Variants in COLEC10 observed in about 807,000 individuals in gnomAD.
The protein encoded by COLEC10 is collectin-10.
COLEC10 carries 22 observed loss-of-function variants against 28.4 expected under a neutral mutation model. The observed-to-expected ratio is 0.78, with a 90% CI of 0.55 to 1.11. The LOEUF (loss-of-function observed/expected upper bound fraction) is 1.11. COLEC10 is among the 50% of genes least tolerant of loss of function. The pLI is 0.00. For synonymous variants in COLEC10, 125 were observed against 116.1 expected, an observed-to-expected ratio of 1.08 and a Z score of -0.49; for missense variants, 361 against 344.1, an observed-to-expected ratio of 1.05 and a Z score of -0.39.
At position 119,107,593 on chromosome 8, in the gene COLEC10, A is replaced by G. The variant is rs1208646585; in HGVS notation, c.*1402A>G. Among the ~76,000 whole-genome samples the G allele has an allele frequency of 6.6e-6, 1 of 152,282 alleles. No homozygotes were observed. The highest frequency in any genetic ancestry group is 2.1e-4 in the South Asian group (1 of 4,828). ...TGATTTCACCCGTGACTAACTGGTT[A>G]TGAGATAGGACTTAATTAGGTTATT... On this transcript the variant is annotated 3_prime_UTR_variant, in exon 6 of 6. Coordinates refer to ENST00000332843, the MANE Select transcript of COLEC10 (RefSeq NM_006438.5).
the COLEC10 span, among the ~76,000 whole-genome samples, chr8:118,990,187 T>G: frequency 1.3e-5 from 2 of 152,060 alleles, no homozygotes; most frequent in Non-Finnish European, 2.9e-5. Flanking sequence ...ACAAGATAGA[T>G]TGTATGGTCA....
chr8:118,965,291 C>T, the COLEC10 span, among the ~76,000 whole-genome samples: 1 of 152,022 alleles, frequency 6.6e-6, no homozygotes, highest in African/African-American at 2.4e-5. Flanking sequence ...GCTCTTTCTA[C>T]CTTTCTTTTG....
chr8:118,961,503 C>T, the COLEC10 span, among the ~76,000 whole-genome samples: 2 of 152,288 alleles, frequency 1.3e-5, no homozygotes, highest in Admixed American at 1.3e-4. Context: ...GCCTTCTCTG[C>T]ATGGTGCAGA....
the COLEC10 span, among the ~76,000 whole-genome samples, chr8:118,980,380 A>G: frequency 6.6e-6 from 1 of 151,866 alleles, no homozygotes; most frequent in Non-Finnish European, 1.5e-5. Flanking sequence ...TTTAGTAGAG[A>G]TGAGGTTTCA....
At chr8:119,100,318 G>A (rs1376131990) in intron 3 of COLEC10, among the ~76,000 whole-genome samples, 1 of 152,114 alleles carries the variant, frequency 6.6e-6, no homozygotes, top group African/African-American at 2.4e-5. Context: ...GTAGGATAAA[G>A]ATAATTATAA....
At chr8:119,005,736 G>C (rs894093391) in intron 1 of COLEC10, among the ~76,000 whole-genome samples, 16 of 152,090 alleles carry the variant, frequency 1.1e-4, no homozygotes, top group Non-Finnish European at 1.9e-4. Flanking sequence ...AGATCAGAAA[G>C]GGCTAAAATT....
At chr8:119,087,281 T>C (rs1244289344) in intron 1 of COLEC10, among the ~76,000 whole-genome samples, 1 of 151,992 alleles carries the variant, frequency 6.6e-6, no homozygotes, top group African/African-American at 2.4e-5. Context: ...CACAGGGAAA[T>C]GTAAGAGATA....
intron 2 of COLEC10, among the ~76,000 whole-genome samples, chr8:119,056,658 C>A (rs1319397594): frequency 6.6e-6 from 1 of 152,034 alleles, no homozygotes; most frequent in Non-Finnish European, 1.5e-5. Flanking sequence ...CACCTCATTT[C>A]ATAAAGTCAG....
At chr8:119,078,229 A>G (rs573093033) in intron 1 of COLEC10, among the ~76,000 whole-genome samples, 93 of 152,334 alleles carry the variant, frequency 6.1e-4, no homozygotes, top group African/African-American at 2.1e-3. Flanking sequence ...TTTTAATTGA[A>G]CAGTGGGTTT....
intron 1 of COLEC10, among the ~76,000 whole-genome samples, chr8:119,087,627 C>A (rs1328759312): frequency 6.6e-6 from 1 of 152,066 alleles, no homozygotes; most frequent in African/African-American, 2.4e-5. Flanking sequence ...TTTTCTCCCA[C>A]TATCTTTCTT....
At chr8:119,105,333 G>A (rs950673354) in intron 5 of COLEC10, among the ~76,000 whole-genome samples, 1 of 152,116 alleles carries the variant, frequency 6.6e-6, no homozygotes, top group Non-Finnish European at 1.5e-5. Flanking sequence ...CTATCCAAGG[G>A]CATTGGAAAG....
At chr8:119,098,376 G>T (rs1299402003) in intron 3 of COLEC10, among the ~76,000 whole-genome samples, 2 of 152,022 alleles carry the variant, frequency 1.3e-5, no homozygotes, top group African/African-American at 4.8e-5. Context: ...GAAATGATAG[G>T]ATTAACTAAC....
rs138885308 is a variant in COLEC10 at position 119,047,321 on chromosome 8, C to T, written n.235+37768C>T. Among the ~76,000 whole-genome samples the T allele has an allele frequency of 2.6e-5, 4 of 152,172 alleles. No homozygotes were observed. The East Asian group carries it at 7.7e-4, about 29-fold the overall frequency. Reference sequence around the variant, plus strand: ...TCAAGCAGCCAGAAAATCATGGACTCATTTCAACTGTGGAAGTTCAGGGCG... The same window carrying T: ...TCAAGCAGCCAGAAAATCATGGACTTATTTCAACTGTGGAAGTTCAGGGCG... On this transcript the variant is annotated intron_variant and non_coding_transcript_variant, in intron 2 of 6. Transcript: ENST00000521788.
chr8:119,011,737 T>G (rs1272916794), intron 2 of COLEC10, among the ~76,000 whole-genome samples: 1 of 150,990 alleles, frequency 6.6e-6, no homozygotes, highest in Non-Finnish European at 1.5e-5. Flanking sequence ...ATTGCATTTT[T>G]AATTTGAAAT....
chr8:119,045,224 A>G lies in COLEC10; in HGVS notation n.235+35671A>G, dbSNP rs73709540. 1.9e-3 allele frequency among the ~76,000 whole-genome samples: 291 copies of G among 152,356 alleles called. 2 individuals are homozygous for G. Among genetic ancestry groups the G allele is most frequent in the African/African-American group, 6.7e-3 (277 of 41,586 alleles). On this transcript the variant is annotated intron_variant and non_coding_transcript_variant, in intron 2 of 6. Coordinates refer to the COLEC10 transcript ENST00000521788. ...CAATGTAACAAAATAAGGTGGGAACAAAGAGGGTCCATCTCTTCATTCCAG... is the reference window on the plus strand; with the variant it reads ...CAATGTAACAAAATAAGGTGGGAACGAAGAGGGTCCATCTCTTCATTCCAG...
intron 2 of COLEC10, among the ~76,000 whole-genome samples, chr8:119,054,815 C>T (rs181847795): frequency 1.3e-5 from 2 of 152,056 alleles, no homozygotes; most frequent in African/African-American, 4.8e-5. Context: ...AATCCTTTCA[C>T]ATAAAAAGTA....
chr8:119,097,258 T>A (rs899204723), intron 3 of COLEC10, among the ~76,000 whole-genome samples: 2 of 152,094 alleles, frequency 1.3e-5, no homozygotes, highest in East Asian at 3.8e-4. Context: ...CTTTGTGTTT[T>A]TTTTTCAGTA....
intron 1 of COLEC10, among the ~76,000 whole-genome samples, chr8:119,085,538 A>T (rs112418288): frequency 6.6e-6 from 1 of 151,896 alleles, no homozygotes; most frequent in African/African-American, 2.4e-5. Context: ...TTAAGAAATC[A>T]CAACATACCA....
chr8:119,064,273 TGTATTTATATGCTTTATTGA>T (rs1368567840), upstream of COLEC10, among the ~76,000 whole-genome samples: 2 of 149,034 alleles, frequency 1.3e-5, no homozygotes, highest in African/African-American at 5.2e-5. Flanking sequence ...TATATAGGAA[TGTATTTATATGCTTTATTGA>T]GTAAAAAAAG....
Sources: allele counts gnomAD v4.1 joint callset (sites outside exome capture counted in the v4.1 genomes callset), GRCh38; gene constraint gnomAD v4.1.1; transcripts MANE v1.5; gene names NCBI Gene and HGNC (gene_info 2026-07-23, HGNC 2026-07-21).